PRKAG1: variants seen among roughly 807,000 people sequenced by gnomAD.
The protein encoded by PRKAG1 is 5'-AMP-activated protein kinase subunit gamma-1.
In PRKAG1, 27 loss-of-function variants were observed where a neutral mutation model predicts 48.2. The observed-to-expected ratio is 0.56, with a 90% CI of 0.41 to 0.77. The LOEUF (loss-of-function observed/expected upper bound fraction) is 0.77, where lower values mean the gene tolerates loss of function less well. Ranked by LOEUF, PRKAG1 falls within the 30% of genes least tolerant of loss-of-function variation. The probability of loss-of-function intolerance (pLI) is 0.00; values close to 1 mark genes in which losing one functional copy is unlikely to be tolerated. For synonymous variants in PRKAG1, 130 were observed against 147.7 expected (o/e 0.88, Z 0.87); for missense variants, 287 against 398.3 (o/e 0.72, Z 2.38).
intron 1 of PRKAG1, chr12:49,016,792 T>A (rs558300970): frequency 8.0e-5 from 18 of 224,706 alleles, no homozygotes; most frequent in Non-Finnish European, 1.5e-4. Flanking sequence ...GCTATGAACA[T>A]TCCTAAAGGA....
chr12:49,018,699 C>T, intron 1 of PRKAG1, 33 bp downstream of exon 1: 1 of 1,613,560 alleles, frequency 6.2e-7, no homozygotes. Context: ...TTAGGCTCCA[C>T]AGCGCCCCCG....
chr12:49,007,479 T>TG (rs1941588983), intron 2 of PRKAG1, among the ~76,000 whole-genome samples: 1 of 152,200 alleles, frequency 6.6e-6, no homozygotes, highest in Non-Finnish European at 1.5e-5. Flanking sequence ...TTAATCAATT[T>TG]GGTTTTTAAT....
Position 49,004,442 on chromosome 12 carries a change from TTCAATCAATCAA to T in PRKAG1, c.537+53_537+64del, listed in dbSNP as rs371341505. 3.6e-5 allele frequency: 57 copies of T among 1,580,530 alleles called. No individual in the cohort carries two copies. In the East Asian group the frequency reaches 4.5e-4, roughly 12 times the overall value. Reference sequence around the variant, plus strand: ...AACACAGTGAGACCTCGTCTCTCTTTTCAATCAATCAATCAATCAATCAATGAAAAAAGAGAA... The same window carrying T: ...AACACAGTGAGACCTCGTCTCTCTTTTCAATCAATCAATGAAAAAAGAGAA... On this transcript the variant is annotated intron_variant, in intron 8 of 11. Coordinates refer to ENST00000548065, the MANE Select transcript of PRKAG1 (RefSeq NM_002733.5).
intron 1 of PRKAG1, chr12:49,018,313 C>A: frequency 3.0e-6 from 1 of 337,546 alleles, no homozygotes; most frequent in Non-Finnish European, 4.6e-6. Flanking sequence ...CACAGAAAGA[C>A]CATCGAGGTC....
Position 49,003,226 on chromosome 12 carries a change from C to T in PRKAG1, c.806G>A (p.Arg269Gln), listed in dbSNP as rs779408757. The T allele has an allele frequency of 4.3e-6, 7 of 1,614,092 alleles. No individual in the cohort carries two copies. The highest frequency in any genetic ancestry group is 3.3e-5 in the South Asian group (3 of 91,064). ...GAGAACACCCTCAAAGTAATGTGAT[C>T]GATGTTGCAAGGCTTTAGTCACAGA... ...DVSVTKALQH[R>Q]SHYFEGVLKC... Residue 269 changes from arginine to glutamine, a missense_variant, in exon 11 of 12, where the codon CGA (arginine) becomes CAA (glutamine). Physicochemically the swap from Arg to Gln is conservative, Grantham distance 43 (BLOSUM62 1). Coordinates refer to ENST00000548065, the MANE Select transcript of PRKAG1 (RefSeq NM_002733.5).
intron 2 of PRKAG1, among the ~76,000 whole-genome samples, chr12:49,008,784 G>T (rs961940907): frequency 6.6e-6 from 1 of 152,152 alleles, no homozygotes; most frequent in Non-Finnish European, 1.5e-5. Context: ...TGGTGTTGTT[G>T]AGAGTCCAAG....
intron 2 of PRKAG1, among the ~76,000 whole-genome samples, chr12:49,012,382 T>C (rs1008043952): frequency 1.3e-4 from 20 of 151,902 alleles, no homozygotes; most frequent in African/African-American, 2.7e-4. Flanking sequence ...TTCTTTCTTT[T>C]TTTTTTTTTT....
chr12:49,007,082 T>TA (rs1186387476), intron 2 of PRKAG1, among the ~76,000 whole-genome samples: 7 of 151,892 alleles, frequency 4.6e-5, no homozygotes, highest in Admixed American at 6.6e-5. Context: ...GTCAGAAGTT[T>TA]GAGACCAGCC....
chr12:49,011,433 G>A (rs1191311993), intron 2 of PRKAG1, among the ~76,000 whole-genome samples: 1 of 151,504 alleles, frequency 6.6e-6, no homozygotes, highest in Admixed American at 6.6e-5. Flanking sequence ...GGCTGGTTTC[G>A]AACTCCTGAG....
intron 10 of PRKAG1, 50 bp downstream of exon 10, chr12:49,003,508 G>GCCCC (rs67579566): frequency 2.5e-5 from 34 of 1,371,688 alleles, no homozygotes; most frequent in Admixed American, 3.9e-5. Flanking sequence ...ATTTAACAGT[G>GCCCC]CCCCCCCCCC....
In PRKAG1 at chr12:49,013,065, G is replaced by A. The variant is rs1227613125; in HGVS notation, c.55C>T (p.Gln19Ter). The A allele has an allele frequency of 6.2e-7, 1 of 1,612,622 alleles. No individual in the cohort carries two copies. Residue 19 changes from glutamine (Q) to a stop codon, truncating the protein, a stop_gained, in exon 2 of 12, where the codon CAA becomes TAA. Coordinates refer to ENST00000548065, the MANE Select transcript of PRKAG1 (RefSeq NM_002733.5). LOFTEE classifies it high-confidence loss of function. ...SSPAVENEHP[Q>*]ETPESNNSVY... is the part of the protein sequence containing the mutation. ...TTCCTTTCTTCAGTAAACTTACCTTGAGGATGCTCATTTTCCACAGCTGGG... is the reference window on the plus strand; with the variant it reads ...TTCCTTTCTTCAGTAAACTTACCTTAAGGATGCTCATTTTCCACAGCTGGG...
Position 49,005,489 on chromosome 12 carries a change from A to G in PRKAG1, c.223T>C (p.Trp75Arg), listed in dbSNP as rs1941500348. 6.2e-7 allele frequency: 1 copy of G among 1,614,172 alleles called. No homozygotes were observed. Among genetic ancestry groups the G allele is most frequent in the Non-Finnish European group, 8.5e-7 (1 of 1,180,024 alleles). ...ACAAAACTTTGCTTCTTACTATCCC[A>G]TAAAGGGGCAGCTCGTACACCGTTA... ...VTNGVRAAPLWDSKKQSFVGM... is the reference protein window; with the variant it reads ...VTNGVRAAPLRDSKKQSFVGM... The change falls in exon 4 of 12, where the codon TGG becomes CGG. Residue 75 changes from tryptophan to arginine, a missense_variant. Coordinates refer to ENST00000548065, the MANE Select transcript of PRKAG1 (RefSeq NM_002733.5). The surrounding 1 kb of genome is among the most constrained non-coding windows in gnomAD (Gnocchi z 4.1).
At chr12:49,006,924 G>A (rs1214260616) in intron 2 of PRKAG1, among the ~76,000 whole-genome samples, 2 of 151,274 alleles carry the variant, frequency 1.3e-5, no homozygotes, top group African/African-American at 2.4e-5. Flanking sequence ...AGCCGAGATC[G>A]CAACATTGCA....
rs763570031 is a variant in PRKAG1, at chr12:49,002,982, C to A, written c.913G>T (p.Glu305Ter). The change falls in exon 12 of 12, where the codon GAA (glutamate) becomes TAA (stop). Residue 305 changes from glutamate to a stop codon, truncating the protein, a stop_gained. Transcript: ENST00000548065. LOFTEE classifies it high-confidence loss of function. ...ACAATTCCCTTGACCACATCATTTT[C>A]ATCCACCACTACAAGTCGGTGAACC... is the stretch of plus-strand genomic sequence containing the variant. Reference protein sequence around the residue: ...AEVHRLVVVDENDVVKGIVSL... With the variant: ...AEVHRLVVVD The A allele has an allele frequency of 1.1e-5, 17 of 1,614,130 alleles. No individual in the cohort carries two copies. Among genetic ancestry groups the A allele is most frequent in the Non-Finnish European group, 7.6e-6 (9 of 1,180,058 alleles).
Position 49,002,862 on chromosome 12 carries a change from G to A in PRKAG1, c.*37C>T. The A allele has an allele frequency of 6.4e-7, 1 of 1,563,362 alleles. No homozygotes were observed. On this transcript the variant is annotated 3_prime_UTR_variant, in exon 12 of 12. Coordinates refer to ENST00000548065, the MANE Select transcript of PRKAG1 (RefSeq NM_002733.5). The stretch of plus-strand genomic sequence containing the variant: ...GAGCTTCCAGCAGGCAGTGAGTTGG[G>A]CATATCCCCTGGTGCTGCATGACCC...
chr12:49,015,947 C>A (rs1941952546), intron 1 of PRKAG1, among the ~76,000 whole-genome samples: 1 of 127,060 alleles, frequency 7.9e-6, no homozygotes, highest in Admixed American at 7.6e-5. Flanking sequence ...CTCCTTTCTA[C>A]CTTTTTTTTT....
At chr12:49,003,471 A>C (rs2137649857) in intron 10 of PRKAG1, 87 bp downstream of exon 10, 1 of 1,567,590 alleles carries the variant, frequency 6.4e-7, no homozygotes, top group South Asian at 1.1e-5. Context: ...CTTAGATCAC[A>C]GAAGAGACTC....
intron 2 of PRKAG1, among the ~76,000 whole-genome samples, chr12:49,010,310 C>T (rs1021391026): frequency 2.0e-5 from 3 of 152,126 alleles, no homozygotes; most frequent in African/African-American, 7.2e-5. Flanking sequence ...GACAGTGAGT[C>T]ATTTGGATAG....
At chr12:49,016,262 A>G (rs1941964378) in intron 1 of PRKAG1, among the ~76,000 whole-genome samples, 1 of 152,220 alleles carries the variant, frequency 6.6e-6, no homozygotes, top group South Asian at 2.1e-4. Context: ...TAATAACATA[A>G]GGGACCTGAG....
Sources: allele counts gnomAD v4.1 joint callset (sites outside exome capture counted in the v4.1 genomes callset), GRCh38; gene constraint gnomAD v4.1.1; non-coding constraint Gnocchi (gnomAD v3.1); transcripts MANE v1.5; gene names NCBI Gene and HGNC (gene_info 2026-07-23, HGNC 2026-07-21).